HECTD4: variants seen among roughly 807,000 people sequenced by gnomAD.
HECTD4 encodes the protein probable E3 ubiquitin-protein ligase HECTD4.
In HECTD4, 114 loss-of-function variants were observed where a neutral mutation model predicts 471.5. The ratio of observed to expected loss-of-function variants is 0.24; its 90% CI spans 0.21 to 0.28. The LOEUF (loss-of-function observed/expected upper bound fraction) is 0.28, where lower values mean the gene tolerates loss of function less well. Ranked by LOEUF, HECTD4 falls within the 10% of genes least tolerant of loss-of-function variation. The pLI is 1.00. For missense variants in HECTD4, 3,866 were observed against 5,651.5 expected, an observed-to-expected ratio of 0.68 and a Z score of 10.13; for synonymous variants, 2,012 against 2,256.0, an observed-to-expected ratio of 0.89 and a Z score of 3.07.
chr12:112,365,672 A>G (rs2036541503), intron 1 of HECTD4, among the ~76,000 whole-genome samples: 1 of 151,962 alleles, frequency 6.6e-6, no homozygotes, highest in Non-Finnish European at 1.5e-5. Context: ...ATATAATTGT[A>G]CTCTATAAGT....
chr12:112,238,932 C>T, intron 34 of HECTD4, 120 bp downstream of exon 34: 1 of 938,684 alleles, frequency 1.1e-6, no homozygotes, highest in Non-Finnish European at 1.5e-6. Context: ...ACTGATTTAA[C>T]CCATCTGATC....
chr12:112,258,016 C>T (rs2034059602), intron 20 of HECTD4, among the ~76,000 whole-genome samples: 1 of 152,074 alleles, frequency 6.6e-6, no homozygotes, highest in Non-Finnish European at 1.5e-5. Context: ...AGTGAGACCT[C>T]GTCTCTACTA....
chr12:112,188,153 G>T lies in HECTD4; in HGVS notation c.9472+2633C>A, dbSNP rs1349353135. On this transcript the variant is annotated intron_variant, in intron 60 of 75. Coordinates refer to ENST00000682272, the MANE Select transcript of HECTD4 (RefSeq NM_001388303.1). The surrounding 1 kb of genome is among the most constrained non-coding windows in gnomAD (Gnocchi z 4.2). Reference sequence around the variant, plus strand: ...AATACAAAAAAATTAGCTGGGCATGGTAGCGGGCGCCTGTATTCCCAACTA... The same window carrying T: ...AATACAAAAAAATTAGCTGGGCATGTTAGCGGGCGCCTGTATTCCCAACTA... Among the ~76,000 whole-genome samples, 1 of 152,004 alleles carries T rather than the reference G, an allele frequency of 6.6e-6. No individual in the cohort carries two copies. The highest frequency in any genetic ancestry group is 2.4e-5 in the African/African-American group (1 of 41,396).
chr12:112,256,573 A>C, intron 20 of HECTD4, 55 bp from the exon 21 acceptor site: 1 of 1,261,258 alleles, frequency 7.9e-7, no homozygotes. Context: ...AGGAAAAACA[A>C]TGTAAACATT....
At chr12:112,346,616 T>G (rs1168244885) in intron 1 of HECTD4, among the ~76,000 whole-genome samples, 1 of 152,180 alleles carries the variant, frequency 6.6e-6, no homozygotes, top group African/African-American at 2.4e-5. Flanking sequence ...TACTCTTGGC[T>G]TTCCAGAGAG....
chr12:112,187,207 G>A (rs1205455293), intron 60 of HECTD4, among the ~76,000 whole-genome samples: 1 of 151,448 alleles, frequency 6.6e-6, no homozygotes, highest in Non-Finnish European at 1.5e-5. Flanking sequence ...TCGAACTCCC[G>A]ACCTCAGGTG....
intron 64 of HECTD4, among the ~76,000 whole-genome samples, chr12:112,177,366 G>T (rs1157978560): frequency 1.3e-5 from 2 of 149,204 alleles, no homozygotes; most frequent in African/African-American, 5.0e-5. Context: ...TACATGGAAT[G>T]TTATGAGGCT....
chr12:112,240,648 G>A (rs1031121745), intron 32 of HECTD4, among the ~76,000 whole-genome samples: 3 of 151,692 alleles, frequency 2.0e-5, no homozygotes, highest in Non-Finnish European at 4.4e-5. Flanking sequence ...ATGATGTTTC[G>A]CTATGTTGCC....
At chr12:112,371,315 C>A (rs577360409) in intron 1 of HECTD4, among the ~76,000 whole-genome samples, 15 of 152,264 alleles carry the variant, frequency 9.9e-5, no homozygotes, top group Admixed American at 6.5e-4. Context: ...GTGGTTCACA[C>A]CTGTAATCCC....
Position 112,194,250 on chromosome 12 carries a change from G to C in HECTD4, c.8750-576C>G, listed in dbSNP as rs142158760. 6.6e-6 allele frequency among the ~76,000 whole-genome samples: 1 copy of C among 152,380 alleles called. No homozygotes were observed. The highest frequency in any genetic ancestry group is 2.1e-4 in the South Asian group (1 of 4,834). On this transcript the variant is annotated intron_variant, in intron 56 of 75. Transcript: ENST00000682272. The surrounding 1 kb of genome is among the most constrained non-coding windows in gnomAD (Gnocchi z 4.6). Reference sequence around the variant, plus strand: ...CTGGAGGGCAGCTACCCAGGATGCTGACTGAGCCTAGATTGCTATCTGCAA... The same window carrying C: ...CTGGAGGGCAGCTACCCAGGATGCTCACTGAGCCTAGATTGCTATCTGCAA...
chr12:112,348,790 T>C (rs1333671739), intron 1 of HECTD4, among the ~76,000 whole-genome samples: 1 of 151,934 alleles, frequency 6.6e-6, no homozygotes, highest in Non-Finnish European at 1.5e-5. Context: ...AATGAAAAAA[T>C]ATATAAATAA....
In HECTD4 at chr12:112,244,016, AAAAAAGGAAT is replaced by A; in HGVS notation, c.4514-17_4514-8del. The A allele has an allele frequency of 6.2e-7, 1 of 1,613,284 alleles. No individual in the cohort carries two copies. The highest frequency in any genetic ancestry group is 8.5e-7 in the Non-Finnish European group (1 of 1,179,704). Reference sequence around the variant, plus strand: ...TCAGAAGCTGATTTACAAGCTAGAAAAAAAAGGAATAAAAAGGCTGACATTTCTGCTATCT... The same window carrying A: ...TCAGAAGCTGATTTACAAGCTAGAAAAAAAAGGCTGACATTTCTGCTATCT... On this transcript the variant is annotated splice_polypyrimidine_tract_variant and splice_region_variant and intron_variant, in intron 29 of 75. Transcript: ENST00000682272.
chr12:112,254,246 T>C, intron 21 of HECTD4, 84 bp from the exon 22 acceptor site: 10 of 1,518,476 alleles, frequency 6.6e-6, no homozygotes, highest in Non-Finnish European at 9.0e-6. Flanking sequence ...AAAACATTTG[T>C]TTAAAATACA....
In HECTD4 at chr12:112,167,926, C is replaced by T. The variant is rs2031042069; in HGVS notation, c.12209-9G>A. On this transcript the variant is annotated splice_polypyrimidine_tract_variant and intron_variant, in intron 70 of 75. Transcript: ENST00000682272. ...GTGGCGGAAAGAGCCGCCTGTAGGACAGACGAGACACATGGGCACCTGGGG... is the reference window on the plus strand; with the variant it reads ...GTGGCGGAAAGAGCCGCCTGTAGGATAGACGAGACACATGGGCACCTGGGG... The T allele has an allele frequency of 1.2e-6, 2 of 1,610,806 alleles. No homozygotes were observed. The highest frequency in any genetic ancestry group is 2.2e-5 in the South Asian group (2 of 91,006).
At position 112,211,541 on chromosome 12, in the gene HECTD4, A is replaced by C. The variant is rs79254392; in HGVS notation, c.7629+946T>G. Reference sequence around the variant, plus strand: ...GATGTCCTGAAGGGGGAAAAAAAAAAAAAAGATAAGACGTGAACGGGCAAG... The same window carrying C: ...GATGTCCTGAAGGGGGAAAAAAAAACAAAAGATAAGACGTGAACGGGCAAG... On this transcript the variant is annotated intron_variant, in intron 49 of 75. Transcript: ENST00000682272. 7.0e-3 allele frequency among the ~76,000 whole-genome samples: 1,062 copies of C among 152,178 alleles called. 17 individuals are homozygous for C. Among genetic ancestry groups the C allele is most frequent in the African/African-American group, 0.024 (1,013 of 41,508 alleles).
At chr12:112,187,153 A>AT (rs1340616857) in intron 60 of HECTD4, among the ~76,000 whole-genome samples, 1 of 151,066 alleles carries the variant, frequency 6.6e-6, no homozygotes, top group East Asian at 2.0e-4. Context: ...CTAATTTTGT[A>AT]TTTTTTGTAG....
Position 112,250,295 on chromosome 12 carries a change from C to T in HECTD4, c.3799G>A (p.Glu1267Lys), listed in dbSNP as rs1476407949. Reference protein sequence around the residue: ...SPSPLPLTIEEDREFTYPSDV... With the variant: ...SPSPLPLTIEKDREFTYPSDV... ...GAGGGGTAGGTGAATTCTCTGTCTT[C>T]CTCTATGGTCAGAGGCAGTGGAGAG... Residue 1267 changes from glutamate to lysine, a missense_variant, in exon 25 of 76, where the codon GAA becomes AAA. Glu to Lys is a moderately conservative substitution (Grantham distance 56). This residue lies in a region of HECTD4 where 281 missense variants were observed against 499.9 expected (regional missense o/e 0.56). Coordinates refer to ENST00000682272, the MANE Select transcript of HECTD4 (RefSeq NM_001388303.1). The T allele has an allele frequency of 6.2e-7, 1 of 1,613,862 alleles. No individual in the cohort carries two copies. The highest frequency in any genetic ancestry group is 8.5e-7 in the Non-Finnish European group (1 of 1,179,896).
At position 112,194,212 on chromosome 12, in the gene HECTD4, C is replaced by T. The variant is rs1011534854; in HGVS notation, c.8750-538G>A. Among the ~76,000 whole-genome samples the T allele has an allele frequency of 6.6e-6, 1 of 152,206 alleles. No homozygotes were observed. Among genetic ancestry groups the T allele is most frequent in the African/African-American group, 2.4e-5 (1 of 41,458 alleles). On this transcript the variant is annotated intron_variant, in intron 56 of 75. Coordinates refer to ENST00000682272, the MANE Select transcript of HECTD4 (RefSeq NM_001388303.1). This position sits in a 1 kb window ranked among gnomAD's most constrained non-coding sequence, Gnocchi z 4.6. ...ACACATACCCTGGCTGGGTGGGACC[C>T]CACAGTTGTGAGCTGGAGGGCAGCT...
At chr12:112,320,613 A>G (rs902869886) in intron 1 of HECTD4, among the ~76,000 whole-genome samples, 6 of 151,870 alleles carry the variant, frequency 4.0e-5, no homozygotes, top group Admixed American at 3.3e-4. Flanking sequence ...AGGCAGAAGA[A>G]TTGCTCGAAC....
Sources: gnomAD v4.1 joint callset for allele counts (sites outside exome capture counted in the v4.1 genomes callset) on GRCh38, gnomAD v4.1.1 for gene constraint, gnomAD v4.1.1 regional missense constraint, Gnocchi (gnomAD v3.1) non-coding constraint, MANE v1.5 for transcripts, NCBI Gene and HGNC (gene_info 2026-07-23, HGNC 2026-07-21) for gene names.